Variants in HPCA observed in about 807,000 individuals in gnomAD.
HPCA encodes the protein neuron-specific calcium-binding protein hippocalcin.
In HPCA, 4 loss-of-function variants were observed where a neutral mutation model predicts 18.2. The ratio of observed to expected loss-of-function variants is 0.22; its 90% CI spans 0.11 to 0.50. The LOEUF is 0.50. HPCA is among the 20% of genes least tolerant of loss of function. HPCA has a pLI of 0.97. For missense variants in HPCA, 161 were observed against 265.8 expected, an observed-to-expected ratio of 0.61 and a Z score of 2.74; for synonymous variants, 93 against 103.5, an observed-to-expected ratio of 0.90 and a Z score of 0.61.
rs924174072 is a variant in HPCA, at chr1:32,894,574, C to T, written c.*712C>T. The T allele has an allele frequency of 3.3e-5, 18 of 544,290 alleles. No individual in the cohort carries two copies. Among genetic ancestry groups the T allele is most frequent in the South Asian group, 6.9e-5 (2 of 28,916 alleles). The allele number at this position is 544,290 out of a possible 1,614,324, so 33.7% of individuals were successfully genotyped here. A position where few individuals can be genotyped will look rare whatever the true frequency, so the allele number is the denominator to read the frequency against. On this transcript the variant is annotated 3_prime_UTR_variant, in exon 4 of 4. Transcript: ENST00000373467. The stretch of plus-strand genomic sequence containing the variant: ...CCTCCCCTCTGTCCCCCCAACCGCC[C>T]CCCCTGCATGCAGCCAAATGGAGCA...
intron 1 of HPCA, among the ~76,000 whole-genome samples, chr1:32,887,732 G>A (rs1641393926): frequency 6.6e-6 from 1 of 152,202 alleles, no homozygotes; most frequent in Non-Finnish European, 1.5e-5. Context: ...GGTCCCACGT[G>A]CAGCTGGCCA....
chr1:32,888,756 C>T, intron 1 of HPCA, 122 bp from the exon 2 acceptor site: 3 of 935,294 alleles, frequency 3.2e-6, no homozygotes, highest in Non-Finnish European at 4.8e-6. Context: ...CAGTTCCTCT[C>T]TTTCACTGGG....
chr1:32,893,604 C>T lies in HPCA; in HGVS notation c.459C>T (p.Phe153=), dbSNP rs1641506066. ...STPEKRTEKI[F]RQMDTNNDGK... is the part of the protein sequence containing the mutation. ...CGGAAAAGAGGACTGAGAAAATCTT[C>T]CGCCAAATGGACACAAACAACGACG... is the stretch of plus-strand genomic sequence containing the variant. Residue 153 remains phenylalanine, a synonymous_variant, in exon 3 of 4, where the codon TTC becomes TTT. Coordinates refer to ENST00000373467, the MANE Select transcript of HPCA (RefSeq NM_002143.3). This position sits in a 1 kb window ranked among gnomAD's most constrained non-coding sequence, Gnocchi z 7.5. 3 of 1,613,876 alleles carry T rather than the reference C, an allele frequency of 1.9e-6. No individual in the cohort carries two copies. The East Asian group carries it at 6.7e-5, about 36-fold the overall frequency.
Position 32,893,976 on chromosome 1 carries a change from G to A in HPCA, c.*114G>A. The A allele has an allele frequency of 3.7e-6, 3 of 820,560 alleles. No homozygotes were observed. Among genetic ancestry groups the A allele is most frequent in the Non-Finnish European group, 5.8e-6 (3 of 518,960 alleles). 50.8% of individuals were successfully genotyped at this position (820,560 alleles called of 1,614,324 possible). On this transcript the variant is annotated 3_prime_UTR_variant, in exon 4 of 4. Coordinates refer to ENST00000373467, the MANE Select transcript of HPCA (RefSeq NM_002143.3). The surrounding 1 kb of genome is among the most constrained non-coding windows in gnomAD (Gnocchi z 7.5). ...CCAGATTGGGGAAGCCCTTCTCCCC[G>A]GGTCTGCCCTGTGGGGGGCTTCCGG...
chr1:32,887,038 G>A (rs1312562040), intron 1 of HPCA, among the ~76,000 whole-genome samples: 1 of 152,174 alleles, frequency 6.6e-6, no homozygotes, highest in Admixed American at 6.5e-5. Flanking sequence ...ACCTTGAGGA[G>A]GGCAGTGCGG....
Position 32,894,075 on chromosome 1 carries a change from T to G in HPCA, c.*213T>G. 1 of 561,398 alleles carries G rather than the reference T, an allele frequency of 1.8e-6. No homozygotes were observed. Among genetic ancestry groups the G allele is most frequent in the Non-Finnish European group, 3.2e-6 (1 of 314,012 alleles). The allele number at this position is 561,398 out of a possible 1,614,324, so 34.8% of individuals were successfully genotyped here. A position where few individuals can be genotyped will look rare whatever the true frequency, so the allele number is the denominator to read the frequency against. ...CACCCCCCAATCCCAGAGGCAACAA[T>G]AGAGACACAGGCTGGGTTGGTCTGC... On this transcript the variant is annotated 3_prime_UTR_variant, in exon 4 of 4. Coordinates refer to ENST00000373467, the MANE Select transcript of HPCA (RefSeq NM_002143.3).
In HPCA at chr1:32,893,863, G is replaced by A. The variant is rs746872688; in HGVS notation, c.*1G>A. The A allele has an allele frequency of 9.6e-6, 15 of 1,559,348 alleles. No homozygotes were observed. Among genetic ancestry groups the A allele is most frequent in the Non-Finnish European group, 1.3e-5 (15 of 1,151,140 alleles). On this transcript the variant is annotated 3_prime_UTR_variant, in exon 4 of 4. Transcript: ENST00000373467. This position sits in a 1 kb window ranked among gnomAD's most constrained non-coding sequence, Gnocchi z 7.5. ...CCCCAGCAGCGCCTCCCAGTTCTGA[G>A]AGGAGCCAGGTTCCCCTTCCTCCCT...
In HPCA at chr1:32,893,686, C is replaced by T. The variant is rs1641509631; in HGVS notation, c.484+57C>T. On this transcript the variant is annotated intron_variant, in intron 3 of 3. Transcript: ENST00000373467. This position sits in a 1 kb window ranked among gnomAD's most constrained non-coding sequence, Gnocchi z 7.5. ...GGCGGGCGCCTTTCCCTCCCTCCCTCCCTGCCTCCCTTTCCCGCTCCGCCT... is the reference window on the plus strand; with the variant it reads ...GGCGGGCGCCTTTCCCTCCCTCCCTTCCTGCCTCCCTTTCCCGCTCCGCCT... 3.0e-6 allele frequency: 4 copies of T among 1,330,042 alleles called. No homozygotes were observed. Among genetic ancestry groups the T allele is most frequent in the East Asian group, 2.4e-5 (1 of 41,048 alleles). The allele number at this position is 1,330,042 out of a possible 1,614,324, so 82.4% of individuals were successfully genotyped here.
At chr1:32,887,570 G>A (rs1570015510) in intron 1 of HPCA, among the ~76,000 whole-genome samples, 2 of 152,310 alleles carry the variant, frequency 1.3e-5, no homozygotes, top group East Asian at 3.9e-4. Context: ...AAGGGTAAGT[G>A]TTGGGGAGGC....
Position 32,890,506 on chromosome 1 carries a change from T to C in HPCA, c.378+1230T>C, listed in dbSNP as rs1239934474. 2.6e-5 allele frequency among the ~76,000 whole-genome samples: 4 copies of C among 152,226 alleles called. No homozygotes were observed. The East Asian group carries it at 5.8e-4, about 22-fold the overall frequency. The stretch of plus-strand genomic sequence containing the variant: ...TTAATCCCCTGCCTCACAAGGCTAT[T>C]GCAGGGATAGAGTGAGATAAGGACT... On this transcript the variant is annotated intron_variant, in intron 2 of 3. Coordinates refer to ENST00000373467, the MANE Select transcript of HPCA (RefSeq NM_002143.3).
chr1:32,893,673 T>TGCCAA lies in HPCA; in HGVS notation c.484+44_484+45insGCCAA. ...ACGGGGTGGACGGGGCGGGCGCCTT[T>TGCCAA]CCCTCCCTCCCTCCCTGCCTCCCTT... On this transcript the variant is annotated intron_variant, in intron 3 of 3. Transcript: ENST00000373467. This position sits in a 1 kb window ranked among gnomAD's most constrained non-coding sequence, Gnocchi z 7.5. 1.5e-6 allele frequency: 2 copies of TGCCAA among 1,314,122 alleles called. No individual in the cohort carries two copies. Among genetic ancestry groups the TGCCAA allele is most frequent in the Non-Finnish European group, 2.2e-6 (2 of 926,070 alleles). The allele number at this position is 1,314,122 out of a possible 1,614,324, so 81.4% of individuals were successfully genotyped here. A position where few individuals can be genotyped will look rare whatever the true frequency, so the allele number is the denominator to read the frequency against.
rs752592936 is a variant in HPCA at position 32,893,672 on chromosome 1, T to TTCCC, written c.484+57_484+60dup. 38 of 1,471,628 alleles carry TTCCC rather than the reference T, an allele frequency of 2.6e-5. No individual in the cohort carries two copies. Among genetic ancestry groups the TTCCC allele is most frequent in the Admixed American group, 3.4e-5 (2 of 58,324 alleles). The allele number at this position is 1,471,628 out of a possible 1,614,324, so 91.2% of individuals were successfully genotyped here. A position where few individuals can be genotyped will look rare whatever the true frequency, so the allele number is the denominator to read the frequency against. On this transcript the variant is annotated intron_variant, in intron 3 of 3. Transcript: ENST00000373467. The surrounding 1 kb of genome is among the most constrained non-coding windows in gnomAD (Gnocchi z 7.5). ...GACGGGGTGGACGGGGCGGGCGCCTTTCCCTCCCTCCCTCCCTGCCTCCCT... is the reference window on the plus strand; with the variant it reads ...GACGGGGTGGACGGGGCGGGCGCCTTTCCCTCCCTCCCTCCCTCCCTGCCTCCCT...
Position 32,894,509 on chromosome 1 carries a change from G to T in HPCA, c.*647G>T. Reference sequence around the variant, plus strand: ...CCCAGAGCCCCATGCACAGTGTCCTGCGTGGGAAAGAGACACGGTCCCCCT... The same window carrying T: ...CCCAGAGCCCCATGCACAGTGTCCTTCGTGGGAAAGAGACACGGTCCCCCT... On this transcript the variant is annotated 3_prime_UTR_variant, in exon 4 of 4. Coordinates refer to ENST00000373467, the MANE Select transcript of HPCA (RefSeq NM_002143.3). 2.5e-6 allele frequency: 1 copy of T among 404,772 alleles called. No homozygotes were observed. The allele number at this position is 404,772 out of a possible 1,614,324, so 25.1% of individuals were successfully genotyped here.
Position 32,894,139 on chromosome 1 carries a change from G to T in HPCA, c.*277G>T. 2.3e-6 allele frequency: 1 copy of T among 438,102 alleles called. No individual in the cohort carries two copies. Among genetic ancestry groups the T allele is most frequent in the African/African-American group, 2.0e-5 (1 of 50,482 alleles). 27.1% of individuals were successfully genotyped at this position (438,102 alleles called of 1,614,324 possible). ...CCCCTTACCCACCCACCAGCCCCAAGGCCCGACCCCTCCCCCAAAGGGGCA... is the reference window on the plus strand; with the variant it reads ...CCCCTTACCCACCCACCAGCCCCAATGCCCGACCCCTCCCCCAAAGGGGCA... On this transcript the variant is annotated 3_prime_UTR_variant, in exon 4 of 4. Transcript: ENST00000373467.
rs573380294 is a variant in HPCA at position 32,889,675 on chromosome 1, T to C, written c.378+399T>C. Among the ~76,000 whole-genome samples the C allele has an allele frequency of 6.6e-6, 1 of 152,334 alleles. No individual in the cohort carries two copies. The highest frequency in any genetic ancestry group is 2.4e-5 in the African/African-American group (1 of 41,566). On this transcript the variant is annotated intron_variant, in intron 2 of 3. Coordinates refer to ENST00000373467, the MANE Select transcript of HPCA (RefSeq NM_002143.3). This position sits in a 1 kb window ranked among gnomAD's most constrained non-coding sequence, Gnocchi z 4.6. ...ATTACCAAAGCCAGGATATTTAACA[T>C]AGAAACAATGCTATTATCTAATCTA... is the stretch of plus-strand genomic sequence containing the variant.
chr1:32,893,794 G>C lies in HPCA; in HGVS notation c.514G>C (p.Gly172Arg). 1 of 1,580,292 alleles carries C rather than the reference G, an allele frequency of 6.3e-7. No homozygotes were observed. Among genetic ancestry groups the C allele is most frequent in the Non-Finnish European group, 8.6e-7 (1 of 1,163,932 alleles). The change falls in exon 4 of 4, where the codon GGG becomes CGG. Residue 172 changes from glycine (G) to arginine (R), a missense_variant. Transcript: ENST00000373467. The surrounding 1 kb of genome is among the most constrained non-coding windows in gnomAD (Gnocchi z 7.5). ...GCTGTCCTTGGAGGAGTTCATCCGC[G>C]GGGCCAAAAGCGACCCGTCCATCGT... ...GKLSLEEFIRGAKSDPSIVRL... is the reference protein window; with the variant it reads ...GKLSLEEFIRRAKSDPSIVRL...
Position 32,889,598 on chromosome 1 carries a change from T to C in HPCA, c.378+322T>C, listed in dbSNP as rs1641423352. 6.6e-6 allele frequency among the ~76,000 whole-genome samples: 1 copy of C among 152,216 alleles called. No individual in the cohort carries two copies. The highest frequency in any genetic ancestry group is 6.5e-5 in the Admixed American group (1 of 15,292). The stretch of plus-strand genomic sequence containing the variant: ...ATTGGCCCTTTACCCCTGGATACAT[T>C]AGGATATATTTCCTAAAAATAAGCA... On this transcript the variant is annotated intron_variant, in intron 2 of 3. Transcript: ENST00000373467. This position sits in a 1 kb window ranked among gnomAD's most constrained non-coding sequence, Gnocchi z 4.6.
At position 32,894,599 on chromosome 1, in the gene HPCA, A is replaced by C; in HGVS notation, c.*737A>C. 2.3e-5 allele frequency: 12 copies of C among 522,440 alleles called. No homozygotes were observed. Among genetic ancestry groups the C allele is most frequent in the Admixed American group, 1.0e-4 (3 of 29,662 alleles). The allele number at this position is 522,440 out of a possible 1,614,324, so 32.4% of individuals were successfully genotyped here. ...CCCCCTGCATGCAGCCAAATGGAGC[A>C]TCTCTGTTCTTTTTAATAATTTCAG... On this transcript the variant is annotated 3_prime_UTR_variant, in exon 4 of 4. Transcript: ENST00000373467.
In HPCA at chr1:32,889,599, A is replaced by G. The variant is rs947427510; in HGVS notation, c.378+323A>G. Among the ~76,000 whole-genome samples the G allele has an allele frequency of 2.6e-5, 4 of 152,222 alleles. No individual in the cohort carries two copies. The highest frequency in any genetic ancestry group is 5.9e-5 in the Non-Finnish European group (4 of 68,038). ...TTGGCCCTTTACCCCTGGATACATT[A>G]GGATATATTTCCTAAAAATAAGCAC... On this transcript the variant is annotated intron_variant, in intron 2 of 3. Coordinates refer to ENST00000373467, the MANE Select transcript of HPCA (RefSeq NM_002143.3). The surrounding 1 kb of genome is among the most constrained non-coding windows in gnomAD (Gnocchi z 4.6).
Sources: allele counts gnomAD v4.1 joint callset (sites outside exome capture counted in the v4.1 genomes callset), GRCh38; gene constraint gnomAD v4.1.1; non-coding constraint Gnocchi (gnomAD v3.1); transcripts MANE v1.5; gene names NCBI Gene and HGNC (gene_info 2026-07-23, HGNC 2026-07-21).